Variants in NMNAT2 observed in about 807,000 individuals in gnomAD.
The protein encoded by NMNAT2 is nicotinamide/nicotinic acid mononucleotide adenylyltransferase 2.
A neutral mutation model predicts 41.6 loss-of-function variants in NMNAT2; 11 were observed. That is an observed-to-expected ratio of 0.26 (90% CI 0.17 to 0.44). NMNAT2 has a LOEUF of 0.44. Ranked by LOEUF, NMNAT2 falls within the 20% of genes least tolerant of loss-of-function variation. NMNAT2 has a pLI of 1.00. For missense variants in NMNAT2, 288 were observed against 407.7 expected (o/e 0.71, Z 2.53); for synonymous variants, 148 against 151.2 (o/e 0.98, Z 0.16).
intron 1 of NMNAT2, among the ~76,000 whole-genome samples, chr1:183,349,487 C>T (rs1209409180): frequency 2.0e-5 from 3 of 152,238 alleles, no homozygotes; most frequent in Non-Finnish European, 2.9e-5. Flanking sequence ...TTCCAGCCCC[C>T]GCTGAGAATT....
rs1445423266 is a variant in NMNAT2, at chr1:183,336,469, G to A, written c.86-42676C>T. ...CACAGGAAGTTGCAAAGAGAGTATA[G>A]AGAGAATACTCTTCACCCAATTTCC... On this transcript the variant is annotated intron_variant, in intron 1 of 10. Coordinates refer to ENST00000287713, the MANE Select transcript of NMNAT2 (RefSeq NM_015039.4). Among the ~76,000 whole-genome samples the A allele has an allele frequency of 4.6e-5, 7 of 152,136 alleles. No homozygotes were observed. In the South Asian group the frequency reaches 8.3e-4, roughly 18 times the overall value.
chr1:183,281,834 G>A (rs1419291590), intron 7 of NMNAT2, among the ~76,000 whole-genome samples: 1 of 152,220 alleles, frequency 6.6e-6, no homozygotes, highest in Non-Finnish European at 1.5e-5. Flanking sequence ...AGTGTGGAAG[G>A]AAATATTAAA....
intron 4 of NMNAT2, among the ~76,000 whole-genome samples, chr1:183,289,080 C>A (rs529430373): frequency 6.6e-6 from 1 of 152,322 alleles, no homozygotes; most frequent in East Asian, 1.9e-4. Flanking sequence ...TAAAGCCTGG[C>A]TTTGCAGCTG....
intron 1 of NMNAT2, among the ~76,000 whole-genome samples, chr1:183,324,953 A>G (rs1470209934): frequency 6.6e-6 from 1 of 152,200 alleles, no homozygotes; most frequent in East Asian, 1.9e-4. Context: ...TCTGGACTCC[A>G]AGGCCCTACC....
At chr1:183,261,874 C>T (rs1475699544) in intron 8 of NMNAT2, among the ~76,000 whole-genome samples, 1 of 151,986 alleles carries the variant, frequency 6.6e-6, no homozygotes, top group Non-Finnish European at 1.5e-5. Context: ...ATTAGGGTCA[C>T]TTCAGAGATC....
intron 1 of NMNAT2, among the ~76,000 whole-genome samples, chr1:183,355,774 T>C (rs1663171782): frequency 6.6e-6 from 1 of 152,234 alleles, no homozygotes; most frequent in Admixed American, 6.5e-5. Context: ...CACAGTGTGT[T>C]TCTGGGCCTG....
intron 1 of NMNAT2, among the ~76,000 whole-genome samples, chr1:183,398,906 A>G (rs977778913): frequency 2.6e-5 from 4 of 152,230 alleles, no homozygotes; most frequent in Non-Finnish European, 5.9e-5. Context: ...GGACACATTC[A>G]AAGCAGTGTG....
chr1:183,319,030 C>G (rs552677866), intron 1 of NMNAT2, among the ~76,000 whole-genome samples: 1 of 152,314 alleles, frequency 6.6e-6, no homozygotes, highest in East Asian at 1.9e-4. Flanking sequence ...CATTGCAATG[C>G]TACTGTCTTG....
intron 1 of NMNAT2, among the ~76,000 whole-genome samples, chr1:183,368,075 G>A (rs1325248888): frequency 2.0e-5 from 3 of 152,100 alleles, no homozygotes; most frequent in Admixed American, 6.6e-5. Context: ...GTATCTCTTT[G>A]TTTCTTATTT....
intron 1 of NMNAT2, among the ~76,000 whole-genome samples, chr1:183,355,571 C>T (rs1279465239): frequency 6.6e-6 from 1 of 152,268 alleles, no homozygotes; most frequent in Admixed American, 6.5e-5. Context: ...ACTCCATGAA[C>T]TCATTGCCTG....
chr1:183,417,612 A>AGGTGT (rs1649292352), intron 1 of NMNAT2, among the ~76,000 whole-genome samples: 2 of 152,112 alleles, frequency 1.3e-5, no homozygotes, highest in African/African-American at 2.4e-5. Context: ...CACGGCCCAC[A>AGGTGT]ATTCCCAAAC....
chr1:183,358,754 G>A (rs891453229), intron 1 of NMNAT2, among the ~76,000 whole-genome samples: 1 of 152,168 alleles, frequency 6.6e-6, no homozygotes. Flanking sequence ...GAATCTCCCA[G>A]CATGCTAAGA....
intron 1 of NMNAT2, among the ~76,000 whole-genome samples, chr1:183,372,754 G>A (rs762022319): frequency 3.9e-5 from 6 of 152,222 alleles, no homozygotes; most frequent in Non-Finnish European, 7.3e-5. Context: ...CCTGGACGGT[G>A]ACCAAGATGG....
chr1:183,341,748 C>CAAAAAAAAAAAAA (rs369432128), intron 1 of NMNAT2, among the ~76,000 whole-genome samples: 1 of 79,794 alleles, frequency 1.3e-5, no homozygotes, highest in Non-Finnish European at 2.4e-5. Flanking sequence ...AAAAAAAAAA[C>CAAAAAAAAAAAAA]CTGTTTCCTT....
In NMNAT2 at chr1:183,323,473, G is replaced by A. The variant is rs531240697; in HGVS notation, c.86-29680C>T. 3.2e-4 allele frequency among the ~76,000 whole-genome samples: 48 copies of A among 152,328 alleles called. 1 individual carries two copies. The highest frequency in any genetic ancestry group is 1.2e-3 in the African/African-American group (48 of 41,576). On this transcript the variant is annotated intron_variant, in intron 1 of 10. Coordinates refer to ENST00000287713, the MANE Select transcript of NMNAT2 (RefSeq NM_015039.4). ...CCTATGTCTTGTTTGGGCAACCAAA[G>A]GGTAGAGCTTACAGAATGGATTGGA...
At chr1:183,308,961 G>A (rs1475839683) in intron 1 of NMNAT2, among the ~76,000 whole-genome samples, 1 of 152,134 alleles carries the variant, frequency 6.6e-6, no homozygotes, top group Admixed American at 6.5e-5. Flanking sequence ...GAAGGATCAG[G>A]TAGAAAAGGC....
intron 7 of NMNAT2, among the ~76,000 whole-genome samples, chr1:183,282,186 T>C (rs545850263): frequency 6.6e-6 from 1 of 152,282 alleles, no homozygotes; most frequent in South Asian, 2.1e-4. Flanking sequence ...CACATGCAGG[T>C]AGACCCTCCC....
chr1:183,273,637 A>G (rs932247035), intron 8 of NMNAT2, among the ~76,000 whole-genome samples: 1 of 152,158 alleles, frequency 6.6e-6, no homozygotes, highest in Non-Finnish European at 1.5e-5. Context: ...ACCTTCCCCA[A>G]ATAAGAGCAG....
At chr1:183,288,409 C>A (rs1259672471) in intron 4 of NMNAT2, among the ~76,000 whole-genome samples, 1 of 152,216 alleles carries the variant, frequency 6.6e-6, no homozygotes. Flanking sequence ...CAGCTCCAAG[C>A]TCTTGCTCCA....
Sources: gnomAD v4.1 joint callset for allele counts (sites outside exome capture counted in the v4.1 genomes callset) on GRCh38, gnomAD v4.1.1 for gene constraint, MANE v1.5 for transcripts, NCBI Gene and HGNC (gene_info 2026-07-23, HGNC 2026-07-21) for gene names.